Variants in MCM6 observed in about 807,000 individuals in gnomAD.
MCM6 encodes DNA replication licensing factor MCM6.
Under a neutral mutation model 94.3 loss-of-function variants are expected in MCM6, and 46 were observed. The observed-to-expected ratio is 0.49, with a 90% CI of 0.39 to 0.62. The LOEUF is 0.62. Among genes scored for constraint, MCM6 ranks in the 20% least tolerant of loss-of-function variants. MCM6 has a pLI of 0.00. For synonymous variants in MCM6, 335 were observed against 351.9 expected (o/e 0.95, Z 0.54); for missense variants, 865 against 1,017.9 (o/e 0.85, Z 2.04).
chr2:135,850,722 T>A (rs1659609468), intron 13 of MCM6, among the ~76,000 whole-genome samples: 1 of 152,182 alleles, frequency 6.6e-6, no homozygotes, highest in African/African-American at 2.4e-5. Context: ...CTTTCTGAAA[T>A]TATGGAAATG....
At chr2:135,862,391 A>G (rs1002364767) in intron 8 of MCM6, among the ~76,000 whole-genome samples, 1 of 151,984 alleles carries the variant, frequency 6.6e-6, no homozygotes, top group African/African-American at 2.4e-5. Context: ...TACAAAGACT[A>G]AACAGTTCAA....
chr2:135,863,025 TC>T (rs1680025461), intron 7 of MCM6, among the ~76,000 whole-genome samples: 1 of 152,180 alleles, frequency 6.6e-6, no homozygotes, highest in Non-Finnish European at 1.5e-5. Flanking sequence ...GAGTCCTACT[TC>T]CTACACAAAA....
chr2:135,873,920 G>A (rs1319340375), intron 1 of MCM6, among the ~76,000 whole-genome samples: 1 of 152,220 alleles, frequency 6.6e-6, no homozygotes, highest in African/African-American at 2.4e-5. Context: ...ATAAAAACAG[G>A]TGGTGAAGTG....
Position 135,866,552 on chromosome 2 carries a change from A to G in MCM6, c.781+11T>C, listed in dbSNP as rs1482408951. 6.2e-7 allele frequency: 1 copy of G among 1,600,792 alleles called. No homozygotes were observed. The highest frequency in any genetic ancestry group is 1.1e-5 in the South Asian group (1 of 88,578). On this transcript the variant is annotated intron_variant, in intron 5 of 16. Coordinates refer to ENST00000264156, the MANE Select transcript of MCM6 (RefSeq NM_005915.6). ...TGAGAATTTGTTAAATTTGAGCCAC[A>G]GATTACTGACCTGGTGTGCTAAGCT...
intron 8 of MCM6, among the ~76,000 whole-genome samples, chr2:135,860,132 T>C (rs1286225814): frequency 6.9e-6 from 1 of 145,826 alleles, no homozygotes; most frequent in Non-Finnish European, 1.5e-5. Flanking sequence ...TATTTTTTAA[T>C]TTAATTAATT....
In MCM6 at chr2:135,857,801, T is replaced by C. The variant is rs1679920081; in HGVS notation, c.1470+96A>G. The C allele has an allele frequency of 7.5e-6, 7 of 931,730 alleles. No homozygotes were observed. In the East Asian group the frequency reaches 1.5e-4, roughly 19 times the overall value. The allele number at this position is 931,730 out of a possible 1,614,324, so 57.7% of individuals were successfully genotyped here. ...CATTTTAATGAACAGCATTACACAC[T>C]GAAGTAATGAATTTTATCCAGGTGA... On this transcript the variant is annotated intron_variant, in intron 10 of 16. Coordinates refer to ENST00000264156, the MANE Select transcript of MCM6 (RefSeq NM_005915.6).
intron 15 of MCM6, among the ~76,000 whole-genome samples, chr2:135,845,139 TAA>T (rs1356984202): frequency 1.3e-5 from 2 of 152,196 alleles, no homozygotes; most frequent in Non-Finnish European, 2.9e-5. Context: ...TACTAAGAAG[TAA>T]AATTCATGAG....
rs758415681 is a variant in MCM6, at chr2:135,866,731, G to C, written c.616-3C>G. On this transcript the variant is annotated splice_polypyrimidine_tract_variant and splice_region_variant and intron_variant, in intron 4 of 16. Transcript: ENST00000264156. ...GCTTGGGTCTCTTGAATACGAACCT[G>C]TAATACAGACAAACAACCAACCAAG... 1 of 1,592,708 alleles carries C rather than the reference G, an allele frequency of 6.3e-7. No individual in the cohort carries two copies. Among genetic ancestry groups the C allele is most frequent in the South Asian group, 1.1e-5 (1 of 87,246 alleles).
At chr2:135,859,929 G>C (rs1276386573) in intron 8 of MCM6, among the ~76,000 whole-genome samples, 1 of 151,812 alleles carries the variant, frequency 6.6e-6, no homozygotes, top group Non-Finnish European at 1.5e-5. Flanking sequence ...TCAGCCTCCC[G>C]AGTTGCTGGG....
chr2:135,866,741 C>A lies in MCM6; in HGVS notation c.616-13G>T. On this transcript the variant is annotated splice_polypyrimidine_tract_variant and intron_variant, in intron 4 of 16. Coordinates refer to ENST00000264156, the MANE Select transcript of MCM6 (RefSeq NM_005915.6). ...CTTGAATACGAACCTGTAATACAGA[C>A]AAACAACCAACCAAGAATGAGAAGC... 1 of 1,579,354 alleles carries A rather than the reference C, an allele frequency of 6.3e-7. No homozygotes were observed. Among genetic ancestry groups the A allele is most frequent in the South Asian group, 1.2e-5 (1 of 85,370 alleles).
intron 11 of MCM6, 149 bp from the exon 12 acceptor site, chr2:135,853,064 T>G (rs938054363): frequency 1.6e-6 from 1 of 623,396 alleles, no homozygotes; most frequent in Non-Finnish European, 2.6e-6. Flanking sequence ...TGATGAAAGT[T>G]TGGGAACAGG....
chr2:135,854,005 T>C (rs948237425), intron 11 of MCM6, among the ~76,000 whole-genome samples: 1 of 152,126 alleles, frequency 6.6e-6, no homozygotes, highest in Non-Finnish European at 1.5e-5. Context: ...GGCTGGTGGA[T>C]AGCTTGAGCT....
chr2:135,865,273 A>T, intron 6 of MCM6, 110 bp from the exon 7 acceptor site: 1 of 734,634 alleles, frequency 1.4e-6, no homozygotes, highest in Admixed American at 3.1e-5. Flanking sequence ...TCAACCTCAC[A>T]ATTTATTGAC....
Position 135,872,720 on chromosome 2 carries a change from G to A in MCM6, c.231C>T (p.Thr77=), listed in dbSNP as rs529878321. 2 of 1,614,114 alleles carry A rather than the reference G, an allele frequency of 1.2e-6. No homozygotes were observed. Among genetic ancestry groups the A allele is most frequent in the East Asian group, 4.5e-5 (2 of 44,890 alleles). ...DLEQFNQQLS[T]TIQEEFYRVY... The stretch of plus-strand genomic sequence containing the variant: ...ACCTATAGAACTCCTCTTGAATGGT[G>A]GTGGAAAGTTGCTGGTTAAATTGTT... Residue 77 remains threonine, a synonymous_variant, in exon 2 of 17, where the codon ACC becomes ACT. Coordinates refer to ENST00000264156, the MANE Select transcript of MCM6 (RefSeq NM_005915.6).
Position 135,851,565 on chromosome 2 carries a change from TGTTTCA to T in MCM6, c.1756-8_1756-3del, listed in dbSNP as rs1238682114. 6.3e-7 allele frequency: 1 copy of T among 1,592,256 alleles called. No homozygotes were observed. Among genetic ancestry groups the T allele is most frequent in the Admixed American group, 1.7e-5 (1 of 59,074 alleles). On this transcript the variant is annotated splice_region_variant and splice_polypyrimidine_tract_variant and intron_variant, in intron 12 of 16. Transcript: ENST00000264156. Reference sequence around the variant, plus strand: ...GAAGTCCTCTGACTCTTTGGAAATCTGTTTCAGATCATCACTCAAGTTAGAGAAACA... The same window carrying T: ...GAAGTCCTCTGACTCTTTGGAAATCTGATCATCACTCAAGTTAGAGAAACA...
At chr2:135,865,294 T>TA (rs992170200) in intron 6 of MCM6, 131 bp from the exon 7 acceptor site, 326 of 546,080 alleles carry the variant, frequency 6.0e-4, no homozygotes, top group Non-Finnish European at 6.6e-4. Context: ...TGTAAAGGTT[T>TA]AAAAAAAAAC....
intron 1 of MCM6, among the ~76,000 whole-genome samples, 177 bp downstream of exon 1, chr2:135,876,082 G>A (rs1047020141): frequency 2.0e-4 from 31 of 152,206 alleles, no homozygotes; most frequent in African/African-American, 7.2e-4. Flanking sequence ...AACCCAGCCT[G>A]TCCCAGGCTC....
chr2:135,864,126 A>T (rs1680045819), intron 7 of MCM6, among the ~76,000 whole-genome samples: 1 of 152,090 alleles, frequency 6.6e-6, no homozygotes, highest in South Asian at 2.1e-4. Context: ...AAAATAGAAT[A>T]AAAAAAGATA....
chr2:135,869,273 C>T (rs990275325), intron 3 of MCM6, among the ~76,000 whole-genome samples: 3 of 151,852 alleles, frequency 2.0e-5, no homozygotes, highest in African/African-American at 4.8e-5. Context: ...TGGTGGCGGG[C>T]GCCTGTAATC....
Sources: allele counts gnomAD v4.1 joint callset (sites outside exome capture counted in the v4.1 genomes callset), GRCh38; gene constraint gnomAD v4.1.1; transcripts MANE v1.5; gene names NCBI Gene and HGNC (gene_info 2026-07-23, HGNC 2026-07-21).